IL1RAP: variants seen among roughly 807,000 people sequenced by gnomAD.
IL1RAP encodes interleukin-1 receptor accessory protein.
A neutral mutation model predicts 60.7 loss-of-function variants in IL1RAP; 35 were observed. The observed-to-expected ratio is 0.58, with a 90% confidence interval of 0.44 to 0.76. IL1RAP has a LOEUF of 0.76. Ranked by LOEUF, IL1RAP falls within the 30% of genes least tolerant of loss-of-function variation. IL1RAP has a pLI of 0.00. For missense variants in IL1RAP, 572 were observed against 693.9 expected, an observed-to-expected ratio of 0.82 and a Z score of 1.97; for synonymous variants, 268 against 250.9, an observed-to-expected ratio of 1.07 and a Z score of -0.64.
Position 190,569,841 on chromosome 3 carries a change from T to C in IL1RAP, c.64+5488T>C, listed in dbSNP as rs80106544. On this transcript the variant is annotated intron_variant, in intron 3 of 11. Transcript: ENST00000447382. ...CAGTATTTTTGTAGGAACTCCTGCA[T>C]ACCGTTGTAGGAAAAAATGTTTGTT... Among the ~76,000 whole-genome samples the C allele has an allele frequency of 2.6e-5, 4 of 152,336 alleles. No individual in the cohort carries two copies. The East Asian group carries it at 7.7e-4, about 29-fold the overall frequency.
downstream of IL1RAP, among the ~76,000 whole-genome samples, chr3:190,654,852 C>T (rs1351476539): frequency 2.0e-5 from 3 of 152,202 alleles, no homozygotes; most frequent in Non-Finnish European, 4.4e-5. Flanking sequence ...GTTCTAAGCT[C>T]CTAAATCTCA....
intron 1 of IL1RAP, chr3:190,554,739 G>GTGTGTA (rs1397850230): frequency 6.6e-6 from 1 of 151,814 alleles, no homozygotes; most frequent in African/African-American, 2.4e-5. Context: ...GTGTGTGTGT[G>GTGTGTA]TGTGTGTGTG....
At chr3:190,652,935 A>G (rs1017679051), downstream of IL1RAP, among the ~76,000 whole-genome samples, 1 of 152,020 alleles carries the variant, frequency 6.6e-6, no homozygotes, top group East Asian at 1.9e-4. Flanking sequence ...TTTTTTTTCC[A>G]GTATATACTG....
At chr3:190,610,785 G>T (rs1375792805) in intron 5 of IL1RAP, among the ~76,000 whole-genome samples, 1 of 152,106 alleles carries the variant, frequency 6.6e-6, no homozygotes, top group Admixed American at 6.5e-5. Context: ...TTTAAATTCT[G>T]TCTCTGCTTA....
rs190790725 is a variant in IL1RAP at position 190,635,715 on chromosome 3, G to A, written c.1051+6217G>A. ...ATTTGAATTTTAGAGTTGGCTTTAT[G>A]TTCACTCTTGATAGTTATTTGTAAC... On this transcript the variant is annotated intron_variant, in intron 9 of 11. Coordinates refer to ENST00000447382, the MANE Select transcript of IL1RAP (RefSeq NM_002182.4). Among the ~76,000 whole-genome samples, 85 of 152,142 alleles carry A rather than the reference G, an allele frequency of 5.6e-4. 1 individual carries two copies. Among genetic ancestry groups the A allele is most frequent in the Non-Finnish European group, 9.4e-4 (64 of 67,994 alleles).
rs186590424 is a variant in IL1RAP, at chr3:190,558,712, A to C, written c.-2+2496A>C. Among the ~76,000 whole-genome samples the C allele has an allele frequency of 7.9e-5, 12 of 152,284 alleles. No individual in the cohort carries two copies. The East Asian group carries it at 2.1e-3, about 27-fold the overall frequency. ...CTTAGGGCTTTCTATTTTCATATAA[A>C]TATCAGAATCAGTTTCTCTATAGCT... On this transcript the variant is annotated intron_variant, in intron 2 of 11. Coordinates refer to ENST00000447382, the MANE Select transcript of IL1RAP (RefSeq NM_002182.4).
chr3:190,623,175 G>C (rs866586032), intron 6 of IL1RAP, among the ~76,000 whole-genome samples, 169 bp from the exon 7 acceptor site: 2 of 152,198 alleles, frequency 1.3e-5, no homozygotes, highest in Admixed American at 6.5e-5. Flanking sequence ...TGCTTTGCTT[G>C]TTTTAAATGA....
intron 3 of IL1RAP, among the ~76,000 whole-genome samples, chr3:190,566,053 C>T (rs180866498): frequency 5.0e-4 from 76 of 151,868 alleles, no homozygotes; most frequent in African/African-American, 1.8e-3. Flanking sequence ...TCCTTTTCTG[C>T]CTCCCTTCTT....
intron 1 of IL1RAP, chr3:190,554,753 G>GTGTGTGTGTGTGTT (rs1216180018): frequency 6.6e-6 from 1 of 152,068 alleles, no homozygotes; most frequent in Non-Finnish European, 1.5e-5. Context: ...GTGTGTGTGT[G>GTGTGTGTGTGTGTT]TGTGTGTGTG....
In IL1RAP at chr3:190,573,276, C is replaced by G. The variant is rs149527458; in HGVS notation, c.64+8923C>G. ...AGATGGCGGGCAAAAGTGTAAGACT[C>G]TGGACCCCCTTTTGCAAGTTTATAC... On this transcript the variant is annotated intron_variant, in intron 3 of 11. Transcript: ENST00000447382. Among the ~76,000 whole-genome samples, 52 of 152,248 alleles carry G rather than the reference C, an allele frequency of 3.4e-4. No homozygotes were observed. The East Asian group carries it at 0.01, about 29-fold the overall frequency.
chr3:190,553,380 TAAAC>T (rs1725041793), intron 1 of IL1RAP, among the ~76,000 whole-genome samples: 1 of 152,070 alleles, frequency 6.6e-6, no homozygotes, highest in South Asian at 2.1e-4. Flanking sequence ...AAAAAATAAA[TAAAC>T]AACCACCACG....
chr3:190,605,678 C>T (rs1730263714), intron 4 of IL1RAP, among the ~76,000 whole-genome samples: 1 of 152,134 alleles, frequency 6.6e-6, no homozygotes, highest in South Asian at 2.1e-4. Context: ...ATGCCTCTCT[C>T]CTTGGCTTGT....
At chr3:190,637,190 T>C (rs1205201308) in intron 9 of IL1RAP, among the ~76,000 whole-genome samples, 1 of 152,190 alleles carries the variant, frequency 6.6e-6, no homozygotes, top group African/African-American at 2.4e-5. Flanking sequence ...TAAGAACTGA[T>C]CTTTTTTTAA....
intron 2 of IL1RAP, 151 bp from the exon 3 acceptor site, chr3:190,564,138 T>C (rs1236914893): frequency 1.7e-6 from 1 of 585,164 alleles, no homozygotes; most frequent in African/African-American, 1.9e-5. Context: ...ACCTGTCTTA[T>C]TGGTTGGTTC....
At chr3:190,582,339 G>T in intron 3 of IL1RAP, among the ~76,000 whole-genome samples, 1 of 147,044 alleles carries the variant, frequency 6.8e-6, no homozygotes, top group African/African-American at 2.5e-5. Flanking sequence ...TTTCATTTGA[G>T]ATGGAGTTTC....
intron 5 of IL1RAP, among the ~76,000 whole-genome samples, chr3:190,617,718 T>C (rs990925303): frequency 1.3e-5 from 2 of 152,194 alleles, no homozygotes; most frequent in Non-Finnish European, 2.9e-5. Flanking sequence ...ATCAACAGTT[T>C]ATTATGTTTA....
chr3:190,601,098 C>G (rs1233346020), intron 3 of IL1RAP, among the ~76,000 whole-genome samples: 1 of 152,168 alleles, frequency 6.6e-6, no homozygotes, highest in Non-Finnish European at 1.5e-5. Context: ...AAGTCTCCTG[C>G]CTCAGCTTTC....
At chr3:190,630,131 G>T (rs533725231) in intron 9 of IL1RAP, 117 of 779,186 alleles carry the variant, frequency 1.5e-4, no homozygotes, top group Middle Eastern at 6.6e-4. Flanking sequence ...ATTTAAGCAG[G>T]TTTATAATAT....
chr3:190,537,553 C>A (rs1332935190), intron 1 of IL1RAP, among the ~76,000 whole-genome samples: 1 of 152,080 alleles, frequency 6.6e-6, no homozygotes, highest in Non-Finnish European at 1.5e-5. Context: ...TGGGAACAGG[C>A]CATATTTTGT....
Sources: gnomAD v4.1 joint callset for allele counts (sites outside exome capture counted in the v4.1 genomes callset) on GRCh38, gnomAD v4.1.1 for gene constraint, MANE v1.5 for transcripts, NCBI Gene and HGNC (gene_info 2026-07-23, HGNC 2026-07-21) for gene names.